Variants in PRKN observed in about 807,000 individuals in gnomAD.
PRKN encodes the protein E3 ubiquitin-protein ligase parkin.
In PRKN, 56 loss-of-function variants were observed where a neutral mutation model predicts 59.5. That is an observed-to-expected ratio of 0.94 (90% CI 0.76 to 1.18). PRKN has a LOEUF of 1.18. PRKN is among the 50% of genes most tolerant of loss of function. The probability of loss-of-function intolerance (pLI) is 0.00; values close to 1 mark genes in which losing one functional copy is unlikely to be tolerated. For synonymous variants in PRKN, 250 were observed against 222.1 expected, an observed-to-expected ratio of 1.13 and a Z score of -1.12; for missense variants, 657 against 596.4, an observed-to-expected ratio of 1.10 and a Z score of -1.06.
At chr6:161,980,226 G>A (rs1424087220) in intron 5 of PRKN, among the ~76,000 whole-genome samples, 6 of 152,034 alleles carry the variant, frequency 3.9e-5, no homozygotes, top group South Asian at 2.1e-4. Flanking sequence ...TTTTCCAAAC[G>A]AAATATTGTA....
chr6:162,427,488 A>T (rs1156619912), intron 2 of PRKN, among the ~76,000 whole-genome samples: 1 of 152,214 alleles, frequency 6.6e-6, no homozygotes. Flanking sequence ...AACACAGGTG[A>T]CCTACTGCTA....
intron 2 of PRKN, among the ~76,000 whole-genome samples, chr6:162,385,232 A>G (rs922222736): frequency 1.3e-5 from 2 of 152,206 alleles, no homozygotes; most frequent in Non-Finnish European, 2.9e-5. Context: ...CAATGGTAGC[A>G]GGTTTGCATG....
chr6:161,350,001 C>T lies in PRKN; in HGVS notation c.*98G>A, dbSNP rs771094906. The stretch of plus-strand genomic sequence containing the variant: ...CTTGAAGAGTGTGTGTGCGCGCGCG[C>T]GCGTGTGTGTGTGTGTTTGAAAAGA... On this transcript the variant is annotated 3_prime_UTR_variant, in exon 12 of 12. Transcript: ENST00000366898. 1.2e-5 allele frequency: 10 copies of T among 824,614 alleles called. No individual in the cohort carries two copies. The highest frequency in any genetic ancestry group is 2.0e-5 in the Admixed American group (1 of 50,470). 51.1% of individuals were successfully genotyped at this position (824,614 alleles called of 1,614,324 possible).
intron 9 of PRKN, among the ~76,000 whole-genome samples, chr6:161,449,181 T>A (rs1394502402): frequency 6.6e-6 from 1 of 152,210 alleles, no homozygotes; most frequent in Non-Finnish European, 1.5e-5. Context: ...GTATGCTCAG[T>A]CAATTCTGCC....
intron 6 of PRKN, among the ~76,000 whole-genome samples, chr6:161,793,497 T>C (rs936084994): frequency 4.0e-5 from 6 of 151,754 alleles, no homozygotes; most frequent in Non-Finnish European, 7.4e-5. Context: ...TCACTTTTAT[T>C]CACCCATTCT....
At chr6:162,710,903 G>A (rs1363451659) in intron 1 of PRKN, among the ~76,000 whole-genome samples, 1 of 152,192 alleles carries the variant, frequency 6.6e-6, no homozygotes, top group African/African-American at 2.4e-5. Context: ...AATGGAAATG[G>A]TATATTCAAG....
At chr6:161,982,081 C>A (rs546252334) in intron 5 of PRKN, among the ~76,000 whole-genome samples, 19 of 152,282 alleles carry the variant, frequency 1.2e-4, no homozygotes, top group Middle Eastern at 6.8e-3. Context: ...CCCTTCTCTG[C>A]CTGATTGTAA....
At chr6:162,102,569 C>T (rs181408726) in intron 4 of PRKN, among the ~76,000 whole-genome samples, 58 of 152,264 alleles carry the variant, frequency 3.8e-4, no homozygotes, top group African/African-American at 1.3e-3. Flanking sequence ...CTGGAGACGA[C>T]CTTCACTATT....
At chr6:161,418,312 T>C (rs1444895687) in intron 9 of PRKN, among the ~76,000 whole-genome samples, 1 of 152,154 alleles carries the variant, frequency 6.6e-6, no homozygotes, top group African/African-American at 2.4e-5. Flanking sequence ...CTGCCTTACT[T>C]GGAGCAGCTC....
chr6:162,134,299 C>T lies in PRKN; in HGVS notation c.534+66832G>A, dbSNP rs1269273931. ...AATAAAATCATTTTTTAACTCACATCTGGGAAGCAAGATAGCACCAGACTT... is the reference window on the plus strand; with the variant it reads ...AATAAAATCATTTTTTAACTCACATTTGGGAAGCAAGATAGCACCAGACTT... On this transcript the variant is annotated intron_variant, in intron 4 of 11. Coordinates refer to ENST00000366898, the MANE Select transcript of PRKN (RefSeq NM_004562.3). Among the ~76,000 whole-genome samples, 3 of 152,274 alleles carry T rather than the reference C, an allele frequency of 2.0e-5. No homozygotes were observed. In the East Asian group the frequency reaches 5.8e-4, roughly 29 times the overall value.
intron 2 of PRKN, among the ~76,000 whole-genome samples, chr6:162,303,531 G>C (rs572004048): frequency 3.9e-5 from 6 of 152,164 alleles, no homozygotes; most frequent in African/African-American, 1.4e-4. Flanking sequence ...AACATGTACT[G>C]AAGTACCTAC....
intron 4 of PRKN, among the ~76,000 whole-genome samples, chr6:162,160,453 G>C (rs779454836): frequency 6.6e-6 from 1 of 152,066 alleles, no homozygotes; most frequent in African/African-American, 2.4e-5. Context: ...AGACTTTCCT[G>C]GTTCTGGACA....
intron 6 of PRKN, among the ~76,000 whole-genome samples, chr6:161,959,179 C>T (rs1041532618): frequency 6.6e-6 from 1 of 152,144 alleles, no homozygotes; most frequent in East Asian, 1.9e-4. Flanking sequence ...GTAGAAGATA[C>T]AGAGAGAAGT....
chr6:161,521,534 A>G, intron 9 of PRKN, among the ~76,000 whole-genome samples: 1 of 152,156 alleles, frequency 6.6e-6, no homozygotes, highest in Admixed American at 6.5e-5. Flanking sequence ...ACCTGAATAA[A>G]CTCTGCCCTC....
At chr6:162,643,763 T>A (rs1194124323) in intron 1 of PRKN, 1 of 152,182 alleles carries the variant, frequency 6.6e-6, no homozygotes, top group Admixed American at 6.5e-5. Flanking sequence ...AAGGTTTTTA[T>A]CCAGTGTTTT....
intron 7 of PRKN, among the ~76,000 whole-genome samples, chr6:161,670,173 G>A (rs1020943169): frequency 3.3e-5 from 5 of 152,248 alleles, no homozygotes; most frequent in Middle Eastern, 3.4e-3. Context: ...GTGACTCTCC[G>A]GGTACTATCC....
intron 3 of PRKN, among the ~76,000 whole-genome samples, chr6:162,234,161 A>T (rs1359431086): frequency 6.6e-6 from 1 of 152,164 alleles, no homozygotes; most frequent in Admixed American, 6.5e-5. Flanking sequence ...ACTATGGGAA[A>T]GTGAGAACAG....
At chr6:162,020,571 GATAT>G (rs910890317) in intron 5 of PRKN, among the ~76,000 whole-genome samples, 5 of 152,094 alleles carry the variant, frequency 3.3e-5, no homozygotes, top group Non-Finnish European at 5.9e-5. Context: ...GTAAGGGACA[GATAT>G]ATATGTAGGT....
intron 1 of PRKN, among the ~76,000 whole-genome samples, chr6:162,653,764 T>C (rs922672479): frequency 1.3e-5 from 2 of 152,204 alleles, no homozygotes; most frequent in Non-Finnish European, 2.9e-5. Flanking sequence ...TTCTAAAATA[T>C]AAAGCCACAG....
Sources: gnomAD v4.1 joint callset for allele counts (sites outside exome capture counted in the v4.1 genomes callset) on GRCh38, gnomAD v4.1.1 for gene constraint, MANE v1.5 for transcripts, NCBI Gene and HGNC (gene_info 2026-07-23, HGNC 2026-07-21) for gene names.